PRKG2: variants seen among roughly 807,000 people sequenced by gnomAD.
PRKG2 encodes protein kinase cGMP-dependent 2, also known as cGMP-dependent protein kinase 2.
A neutral mutation model predicts 97.2 loss-of-function variants in PRKG2; 33 were observed. The observed-to-expected ratio is 0.34, with a 90% CI of 0.26 to 0.45. The LOEUF (loss-of-function observed/expected upper bound fraction) is 0.45. Ranked by LOEUF, PRKG2 falls within the 20% of genes least tolerant of loss-of-function variation. The pLI is 1.00. For missense variants in PRKG2, 638 were observed against 900.0 expected (o/e 0.71, Z 3.73); for synonymous variants, 330 against 321.8 (o/e 1.03, Z -0.27).
intron 14 of PRKG2, among the ~76,000 whole-genome samples, chr4:81,118,209 T>C (rs1327148975): frequency 2.0e-5 from 3 of 152,250 alleles, no homozygotes; most frequent in Non-Finnish European, 2.9e-5. Flanking sequence ...CTCCATTGTC[T>C]GGATTTAGCA....
chr4:81,205,410 G>A (rs542574924), intron 1 of PRKG2, among the ~76,000 whole-genome samples: 1 of 152,294 alleles, frequency 6.6e-6, no homozygotes, highest in Non-Finnish European at 1.5e-5. Context: ...TGATTTGGAT[G>A]TCAGCATGGC....
chr4:81,139,932 A>C (rs1226157858), intron 12 of PRKG2, among the ~76,000 whole-genome samples: 2 of 152,178 alleles, frequency 1.3e-5, no homozygotes, highest in Admixed American at 6.6e-5. Flanking sequence ...TCTTGCATGG[A>C]AAGTTTAAAA....
chr4:81,098,814 T>C (rs768794898), intron 17 of PRKG2, among the ~76,000 whole-genome samples: 8 of 152,094 alleles, frequency 5.3e-5, no homozygotes, highest in Non-Finnish European at 1.0e-4. Flanking sequence ...CTATAATAGA[T>C]ATAAAAATAA....
At chr4:81,192,827 C>T (rs1752658211) in intron 2 of PRKG2, among the ~76,000 whole-genome samples, 1 of 152,142 alleles carries the variant, frequency 6.6e-6, no homozygotes, top group Admixed American at 6.5e-5. Flanking sequence ...TGAATTCATG[C>T]CCATTTGAGG....
upstream of PRKG2, among the ~76,000 whole-genome samples, chr4:81,217,490 A>AAG (rs1754319649): frequency 6.6e-6 from 1 of 152,160 alleles, no homozygotes; most frequent in Non-Finnish European, 1.5e-5. Flanking sequence ...GAAACGGAGG[A>AAG]AGAGAAGGAA....
chr4:81,180,088 G>A (rs1455201318), intron 2 of PRKG2, among the ~76,000 whole-genome samples: 2 of 151,784 alleles, frequency 1.3e-5, no homozygotes, highest in East Asian at 1.9e-4. Flanking sequence ...AGCTGAGATC[G>A]CACCATTGCA....
intron 14 of PRKG2, among the ~76,000 whole-genome samples, chr4:81,132,019 T>C (rs531924011): frequency 1.3e-5 from 2 of 152,106 alleles, no homozygotes. Context: ...TCTTAGAGAG[T>C]AGCTTATCAA....
At chr4:81,102,887 C>T (rs1289623426) in intron 17 of PRKG2, among the ~76,000 whole-genome samples, 2 of 152,056 alleles carry the variant, frequency 1.3e-5, no homozygotes, top group African/African-American at 4.8e-5. Context: ...TTGATGTGCC[C>T]CTATTTCTTC....
intron 2 of PRKG2, chr4:81,176,036 A>C (rs1181437011): frequency 2.6e-5 from 4 of 152,148 alleles, no homozygotes; most frequent in African/African-American, 9.7e-5. Context: ...TTCAAACAAA[A>C]GGTAAGACTT....
At chr4:81,111,927 T>A (rs971390735) in intron 14 of PRKG2, among the ~76,000 whole-genome samples, 1 of 152,186 alleles carries the variant, frequency 6.6e-6, no homozygotes, top group African/African-American at 2.4e-5. Flanking sequence ...GCATTTCACA[T>A]TTCACATAGC....
rs1194019130 is a variant in PRKG2, at chr4:81,088,764, A to G, written c.*944T>C. 1.3e-5 allele frequency: 2 copies of G among 152,166 alleles called. No individual in the cohort carries two copies. The highest frequency in any genetic ancestry group is 6.5e-5 in the Admixed American group (1 of 15,276). The allele number at this position is 152,166 out of a possible 1,614,324, so 9.4% of individuals were successfully genotyped here. Reference sequence around the variant, plus strand: ...TAAAAATTAACGATGATTCTATACAATTTTGGTTTATTAATAGCAACTATC... The same window carrying G: ...TAAAAATTAACGATGATTCTATACAGTTTTGGTTTATTAATAGCAACTATC... On this transcript the variant is annotated 3_prime_UTR_variant, in exon 19 of 19. Transcript: ENST00000264399.
chr4:81,099,693 G>A (rs1462994801), intron 17 of PRKG2, among the ~76,000 whole-genome samples: 1 of 152,068 alleles, frequency 6.6e-6, no homozygotes, highest in Non-Finnish European at 1.5e-5. Context: ...ATTCAACATA[G>A]TGTTGGAAGT....
chr4:81,186,298 A>G (rs1263219822), intron 2 of PRKG2, among the ~76,000 whole-genome samples: 2 of 152,246 alleles, frequency 1.3e-5, no homozygotes, highest in African/African-American at 4.8e-5. Context: ...CAATGAAATT[A>G]GAACTCAAGA....
chr4:81,204,573 C>A lies in PRKG2; in HGVS notation c.461+14G>T. The A allele has an allele frequency of 1.2e-6, 2 of 1,604,022 alleles. No individual in the cohort carries two copies. Among genetic ancestry groups the A allele is most frequent in the East Asian group, 4.5e-5 (2 of 44,824 alleles). The stretch of plus-strand genomic sequence containing the variant: ...TAAGCCCATCTGAGTTTAAAGGATG[C>A]GGAAATTTCTTACCTGGAGTCTTTT... On this transcript the variant is annotated intron_variant, in intron 2 of 18. Coordinates refer to ENST00000264399, the MANE Select transcript of PRKG2 (RefSeq NM_006259.3).
chr4:81,129,342 G>C (rs546530523), intron 14 of PRKG2, among the ~76,000 whole-genome samples: 3 of 152,224 alleles, frequency 2.0e-5, no homozygotes, highest in Admixed American at 2.0e-4. Context: ...GTCCAGAGCT[G>C]ACAGCAATTC....
At chr4:81,171,847 A>T (rs1578464828) in intron 3 of PRKG2, 43 bp from the exon 4 acceptor site, 1 of 1,356,088 alleles carries the variant, frequency 7.4e-7, no homozygotes, top group Non-Finnish European at 1.0e-6. Context: ...AAATAATCGA[A>T]ATCCGTGTAG....
At position 81,088,820 on chromosome 4, in the gene PRKG2, A is replaced by G. The variant is rs1741291652; in HGVS notation, c.*888T>C. On this transcript the variant is annotated 3_prime_UTR_variant, in exon 19 of 19. Transcript: ENST00000264399. Reference sequence around the variant, plus strand: ...ATTTTTCAAAATACCTCAGATTTTCAAAGAGTCAGCAGTCTTACCTACTAG... The same window carrying G: ...ATTTTTCAAAATACCTCAGATTTTCGAAGAGTCAGCAGTCTTACCTACTAG... The G allele has an allele frequency of 6.6e-6, 1 of 152,206 alleles. No individual in the cohort carries two copies. Among genetic ancestry groups the G allele is most frequent in the Non-Finnish European group, 1.5e-5 (1 of 68,026 alleles). The allele number at this position is 152,206 out of a possible 1,614,324, so 9.4% of individuals were successfully genotyped here.
chr4:81,195,066 C>T (rs115078705), intron 2 of PRKG2, among the ~76,000 whole-genome samples: 1,669 of 152,310 alleles, frequency 0.011, 37 homozygotes, highest in African/African-American at 0.039. Context: ...TTAAGGATTA[C>T]AGCTGTAAAC....
intron 8 of PRKG2, among the ~76,000 whole-genome samples, chr4:81,151,012 T>G (rs1007526718): frequency 8.5e-5 from 13 of 152,086 alleles, no homozygotes; most frequent in African/African-American, 3.1e-4. Flanking sequence ...ACTAAGAGAT[T>G]TGTGATTTTT....
Sources: gnomAD v4.1 joint callset for allele counts (sites outside exome capture counted in the v4.1 genomes callset) on GRCh38, gnomAD v4.1.1 for gene constraint, MANE v1.5 for transcripts, NCBI Gene and HGNC (gene_info 2026-07-23, HGNC 2026-07-21) for gene names.